FHIT: variants seen among roughly 807,000 people sequenced by gnomAD.
FHIT encodes the protein fragile histidine triad diadenosine triphosphatase, also known as bis(5'-adenosyl)-triphosphatase.
Under a neutral mutation model 17.9 loss-of-function variants are expected in FHIT, and 19 were observed. The observed-to-expected ratio is 1.06, with a 90% CI of 0.74 to 1.56. FHIT has a LOEUF of 1.56. FHIT is among the 40% of genes most tolerant of loss of function. The pLI is 0.00. For synonymous variants in FHIT, 81 were observed against 69.7 expected, an observed-to-expected ratio of 1.16 and a Z score of -0.81; for missense variants, 248 against 189.2, an observed-to-expected ratio of 1.31 and a Z score of -1.82.
At chr3:60,248,278 T>C (rs1412858591) in intron 5 of FHIT, among the ~76,000 whole-genome samples, 1 of 152,192 alleles carries the variant, frequency 6.6e-6, no homozygotes, top group African/African-American at 2.4e-5. Flanking sequence ...AGAAATAATA[T>C]TCCTGATCTG....
At position 60,768,469 on chromosome 3, in the gene FHIT, A is replaced by T. The variant is rs1553722108; in HGVS notation, c.-18+53450T>A. Among the ~76,000 whole-genome samples, 3 of 152,350 alleles carry T rather than the reference A, an allele frequency of 2.0e-5. No homozygotes were observed. The East Asian group carries it at 5.8e-4, about 29-fold the overall frequency. ...AGCATATTCATAAAAGCTATTTAGTATCTACGGTGGCCAAATACAGAGGTT... is the reference window on the plus strand; with the variant it reads ...AGCATATTCATAAAAGCTATTTAGTTTCTACGGTGGCCAAATACAGAGGTT... On this transcript the variant is annotated intron_variant, in intron 4 of 9. Transcript: ENST00000492590.
Position 59,901,044 on chromosome 3 carries a change from C to T in FHIT, c.348+21302G>A, listed in dbSNP as rs76445541. ...GTTTTCTTACTGTTTTGTCTGTTAA[C>T]GTAACCTCCCATTGTCTTTATGCTT... On this transcript the variant is annotated intron_variant, in intron 8 of 9. Coordinates refer to ENST00000492590, the MANE Select transcript of FHIT (RefSeq NM_002012.4). Among the ~76,000 whole-genome samples the T allele has an allele frequency of 9.6e-3, 1,460 of 152,298 alleles. 27 individuals carry two copies. Among genetic ancestry groups the T allele is most frequent in the African/African-American group, 0.032 (1,341 of 41,568 alleles).
At chr3:59,892,326 A>C (rs1703888974) in intron 8 of FHIT, among the ~76,000 whole-genome samples, 1 of 152,226 alleles carries the variant, frequency 6.6e-6, no homozygotes, top group Non-Finnish European at 1.5e-5. Flanking sequence ...CTTGTCTCCT[A>C]TCTCTCCTGC....
intron 5 of FHIT, among the ~76,000 whole-genome samples, chr3:60,232,104 T>TCC (rs1704525825): frequency 6.6e-6 from 1 of 152,156 alleles, no homozygotes; most frequent in African/African-American, 2.4e-5. Flanking sequence ...GTAGAAATGG[T>TCC]ATGTGCCACA....
chr3:61,204,636 G>A (rs925019487), intron 1 of FHIT, among the ~76,000 whole-genome samples: 7 of 120,974 alleles, frequency 5.8e-5, no homozygotes, highest in African/African-American at 1.8e-4. Flanking sequence ...TTATCAAAAC[G>A]AATGTTTTAA....
At chr3:60,609,497 T>C (rs2038717210) in intron 4 of FHIT, among the ~76,000 whole-genome samples, 1 of 152,064 alleles carries the variant, frequency 6.6e-6, no homozygotes, top group African/African-American at 2.4e-5. Context: ...AGCTAAATTT[T>C]TGTATTTTTA....
chr3:61,127,560 A>C (rs545118378), intron 2 of FHIT, among the ~76,000 whole-genome samples: 7 of 152,280 alleles, frequency 4.6e-5, no homozygotes, highest in Admixed American at 1.3e-4. Flanking sequence ...TTAAATATTA[A>C]GCTTTCCTCT....
At chr3:60,075,359 G>C (rs570483563) in intron 5 of FHIT, among the ~76,000 whole-genome samples, 1 of 152,164 alleles carries the variant, frequency 6.6e-6, no homozygotes, top group African/African-American at 2.4e-5. Flanking sequence ...CCAGTGGGAA[G>C]AGCACTAGAC....
rs1301226405 is a variant in FHIT at position 60,923,574 on chromosome 3, G to A, written c.-110-101563C>T. ...AATTATGTATTTAAAACATATTCACGAGGTGGAGCCAAGATGGCCGAATAG... is the reference window on the plus strand; with the variant it reads ...AATTATGTATTTAAAACATATTCACAAGGTGGAGCCAAGATGGCCGAATAG... On this transcript the variant is annotated intron_variant, in intron 3 of 9. Coordinates refer to ENST00000492590, the MANE Select transcript of FHIT (RefSeq NM_002012.4). Among the ~76,000 whole-genome samples the A allele has an allele frequency of 4.6e-5, 7 of 152,054 alleles. No individual in the cohort carries two copies. The South Asian group carries it at 8.3e-4, about 18-fold the overall frequency.
chr3:61,158,607 T>C (rs2037599206), intron 2 of FHIT, among the ~76,000 whole-genome samples: 1 of 150,164 alleles, frequency 6.7e-6, no homozygotes, highest in African/African-American at 2.5e-5. Context: ...AGTCCTCACA[T>C]GCTCCCTCCT....
chr3:60,465,492 G>C (rs1417277348), intron 5 of FHIT, among the ~76,000 whole-genome samples: 2 of 151,994 alleles, frequency 1.3e-5, no homozygotes, highest in African/African-American at 4.8e-5. Flanking sequence ...AGTTCCCCCA[G>C]TGTCTTCTTG....
intron 1 of FHIT, among the ~76,000 whole-genome samples, chr3:61,225,713 T>C (rs2039954065): frequency 6.6e-6 from 1 of 152,246 alleles, no homozygotes; most frequent in Non-Finnish European, 1.5e-5. Flanking sequence ...TAGAGTTTTA[T>C]TGGACTAAGT....
intron 1 of FHIT, among the ~76,000 whole-genome samples, chr3:61,234,632 T>C (rs377141154): frequency 6.6e-6 from 1 of 152,182 alleles, no homozygotes; most frequent in Non-Finnish European, 1.5e-5. Flanking sequence ...TGAAATGCAA[T>C]GTTATTTTAT....
At chr3:59,780,752 C>T (rs1216407343) in intron 8 of FHIT, among the ~76,000 whole-genome samples, 2 of 152,188 alleles carry the variant, frequency 1.3e-5, no homozygotes, top group African/African-American at 4.8e-5. Context: ...TCCTAACCAA[C>T]ACCCCGACCA....
In FHIT at chr3:61,220,501, A is replaced by C. The variant is rs535230124; in HGVS notation, c.-212-19836T>G. ...TTACAGAATATTTTCAGAATTTCTG[A>C]AACTCAGATACATTTAGAGTCCAGG... On this transcript the variant is annotated intron_variant, in intron 1 of 9. Transcript: ENST00000492590. 9.2e-5 allele frequency among the ~76,000 whole-genome samples: 14 copies of C among 152,316 alleles called. No homozygotes were observed. In the East Asian group the frequency reaches 2.1e-3, roughly 23 times the overall value.
chr3:59,844,448 T>C (rs571451287), intron 8 of FHIT, among the ~76,000 whole-genome samples: 4 of 152,188 alleles, frequency 2.6e-5, no homozygotes, highest in African/African-American at 7.2e-5. Context: ...GTGGCTCTTA[T>C]CATGTTGGGG....
intron 2 of FHIT, among the ~76,000 whole-genome samples, chr3:61,139,990 C>A (rs1024632983): frequency 1.4e-5 from 2 of 147,078 alleles, no homozygotes; most frequent in South Asian, 2.1e-4. Context: ...ATGAGGATAA[C>A]GACTTTTAAC....
chr3:60,566,360 CAT>C (rs2037134052), intron 4 of FHIT, among the ~76,000 whole-genome samples: 1 of 152,100 alleles, frequency 6.6e-6, no homozygotes, highest in African/African-American at 2.4e-5. Flanking sequence ...ACAAAAACCA[CAT>C]GATTATCTCA....
At position 61,030,962 on chromosome 3, in the gene FHIT, T is replaced by C. The variant is rs141334118; in HGVS notation, c.-111+11085A>G. Among the ~76,000 whole-genome samples, 238 of 152,138 alleles carry C rather than the reference T, an allele frequency of 1.6e-3. 3 individuals carry two copies. The East Asian group carries it at 0.02, about 13-fold the overall frequency. On this transcript the variant is annotated intron_variant, in intron 3 of 9. Transcript: ENST00000492590. ...AAAATGGTAGGAGAACAGAGGAGTA[T>C]GGATCCTGGGTATGGAAAGGGCTTC... is the stretch of plus-strand genomic sequence containing the variant.
Sources: gnomAD v4.1 joint callset for allele counts (sites outside exome capture counted in the v4.1 genomes callset) on GRCh38, gnomAD v4.1.1 for gene constraint, MANE v1.5 for transcripts, NCBI Gene and HGNC (gene_info 2026-07-23, HGNC 2026-07-21) for gene names.